PPP1R37: variants seen among roughly 807,000 people sequenced by gnomAD.
PPP1R37 encodes the protein protein phosphatase 1 regulatory subunit 37.
In PPP1R37, 21 loss-of-function variants were observed where a neutral mutation model predicts 61.0. That is an observed-to-expected ratio of 0.34 (90% confidence interval 0.24 to 0.50). The LOEUF (loss-of-function observed/expected upper bound fraction) is 0.50, where lower values mean the gene tolerates loss of function less well. Among genes scored for constraint, PPP1R37 ranks in the 20% least tolerant of loss-of-function variants. The pLI is 0.98. For missense variants in PPP1R37, 910 were observed against 952.7 expected, an observed-to-expected ratio of 0.96 and a Z score of 0.59; for synonymous variants, 443 against 433.5, an observed-to-expected ratio of 1.02 and a Z score of -0.27.
chr19:45,145,130 C>T lies in PPP1R37; in HGVS notation c.1166C>T (p.Pro389Leu). The T allele has an allele frequency of 2.0e-6, 3 of 1,534,714 alleles. No individual in the cohort carries two copies. Among genetic ancestry groups the T allele is most frequent in the Non-Finnish European group, 2.6e-6 (3 of 1,146,258 alleles). The change falls in exon 10 of 13, where the codon CCC (proline) becomes CTC (leucine). Residue 389 changes from proline (P) to leucine (L), a missense_variant. Coordinates refer to ENST00000221462, the MANE Select transcript of PPP1R37 (RefSeq NM_019121.2). ...VAVAEFIAES[P>L]RLLRLDLREN... ...GTGGCGGAGTTCATCGCTGAGAGCC[C>T]CCGCCTCCTGAGACTGGACCTTCGG...
intron 1 of PPP1R37, chr19:45,100,267 G>C (rs1398753752): frequency 6.6e-6 from 1 of 152,126 alleles, no homozygotes; most frequent in Non-Finnish European, 1.5e-5. Context: ...GCCTTTTTTG[G>C]AGCAAATTAA....
intron 1 of PPP1R37, chr19:45,136,210 A>G (rs1465374873): frequency 1.3e-5 from 2 of 152,214 alleles, no homozygotes; most frequent in African/African-American, 4.8e-5. Flanking sequence ...AGCAGCTGTA[A>G]TAAGGCCTTC....
intron 1 of PPP1R37, among the ~76,000 whole-genome samples, chr19:45,103,772 A>G (rs1968094091): frequency 6.6e-6 from 1 of 152,158 alleles, no homozygotes; most frequent in Admixed American, 6.5e-5. Context: ...AACAGGGCTA[A>G]GCTCTTTACA....
intron 1 of PPP1R37, among the ~76,000 whole-genome samples, chr19:45,136,638 AG>A (rs1403458896): frequency 6.6e-6 from 1 of 152,162 alleles, no homozygotes. Context: ...GATCCCCTGC[AG>A]CTCCTCCCAG....
Position 45,145,581 on chromosome 19 carries a change from T to A in PPP1R37, c.1525T>A (p.Ser509Thr). 1.3e-6 allele frequency: 2 copies of A among 1,535,496 alleles called. No homozygotes were observed. Among genetic ancestry groups the A allele is most frequent in the Non-Finnish European group, 1.7e-6 (2 of 1,146,710 alleles). The change falls in exon 11 of 13, where the codon TCG becomes ACG. Residue 509 changes from serine (S) to threonine (T), a missense_variant. This residue lies in a region of PPP1R37 where 549 missense variants were observed against 505.1 expected (regional missense o/e 1.09). Transcript: ENST00000221462. ...ACCCAGCCCGGACTCAGACTCAGAC[T>A]CGGACTCGGATGGGGAGGAAGAGGA... ...PAPSPDSDSD[S>T]DSDGEEEEEE...
intron 1 of PPP1R37, among the ~76,000 whole-genome samples, chr19:45,119,825 C>T (rs1375460063): frequency 6.6e-6 from 1 of 152,114 alleles, no homozygotes; most frequent in South Asian, 2.1e-4. Flanking sequence ...CTCCACCCCC[C>T]AGCACCCCGC....
At chr19:45,105,599 GC>G (rs939150862) in intron 1 of PPP1R37, among the ~76,000 whole-genome samples, 4 of 152,128 alleles carry the variant, frequency 2.6e-5, no homozygotes, top group African/African-American at 9.7e-5. Context: ...GGTGTCAGGG[GC>G]GACCGGCCAC....
At chr19:45,133,294 G>A (rs1030684147) in intron 1 of PPP1R37, among the ~76,000 whole-genome samples, 1 of 152,164 alleles carries the variant, frequency 6.6e-6, no homozygotes, top group African/African-American at 2.4e-5. Flanking sequence ...ATGTTGGCCA[G>A]GCTTGTCTCG....
Position 45,146,611 on chromosome 19 carries a change from G to A in PPP1R37, c.*49G>A, listed in dbSNP as rs1439363236. On this transcript the variant is annotated 3_prime_UTR_variant, in exon 13 of 13. Coordinates refer to ENST00000221462, the MANE Select transcript of PPP1R37 (RefSeq NM_019121.2). ...CGGTCTGCGATGAGCTGAGGCCAGA[G>A]CCATGAGAATCTGCTCACCTTCCCC... The A allele has an allele frequency of 1.7e-5, 11 of 661,660 alleles. No individual in the cohort carries two copies. In the East Asian group the frequency reaches 2.0e-4, roughly 12 times the overall value. 41.0% of individuals were successfully genotyped at this position (661,660 alleles called of 1,614,324 possible). A position where few individuals can be genotyped will look rare whatever the true frequency, so the allele number is the denominator to read the frequency against.
chr19:45,114,304 A>G (rs1189619658), intron 1 of PPP1R37, among the ~76,000 whole-genome samples: 1 of 152,262 alleles, frequency 6.6e-6, no homozygotes, highest in African/African-American at 2.4e-5. Context: ...GAAAGCTGGC[A>G]GGAACCAGGT....
intron 4 of PPP1R37, among the ~76,000 whole-genome samples, chr19:45,140,959 C>T (rs1968603502): frequency 6.6e-6 from 1 of 152,132 alleles, no homozygotes; most frequent in African/African-American, 2.4e-5. Context: ...CCATCAAGGC[C>T]CAAGGGCCCT....
At chr19:45,120,829 G>C (rs955813406) in intron 1 of PPP1R37, among the ~76,000 whole-genome samples, 7 of 152,072 alleles carry the variant, frequency 4.6e-5, no homozygotes, top group Non-Finnish European at 8.8e-5. Context: ...GGCCAGGCTG[G>C]TCTCCAACTC....
chr19:45,125,146 C>T (rs1968388120), intron 1 of PPP1R37, among the ~76,000 whole-genome samples: 1 of 152,118 alleles, frequency 6.6e-6, no homozygotes, highest in Admixed American at 6.5e-5. Context: ...GGCACAGTAT[C>T]TCTTTATCAA....
intron 8 of PPP1R37, 44 bp from the exon 9 acceptor site, chr19:45,144,810 C>T (rs1036684125): frequency 6.8e-7 from 1 of 1,473,876 alleles, no homozygotes; most frequent in Non-Finnish European, 9.1e-7. Flanking sequence ...GGGTCTCCTC[C>T]GCCATCACGG....
chr19:45,101,832 G>A (rs544347304), intron 1 of PPP1R37, among the ~76,000 whole-genome samples: 5 of 152,352 alleles, frequency 3.3e-5, no homozygotes, highest in African/African-American at 4.8e-5. Context: ...CCAGGAGCCC[G>A]GAGGCTGTAG....
Position 45,145,826 on chromosome 19 carries a change from C to T in PPP1R37, c.1770C>T (p.Pro590=). The change falls in exon 11 of 13, where the codon CCC becomes CCT. Residue 590 remains proline, a synonymous_variant. Transcript: ENST00000221462. Reference sequence around the variant, plus strand: ...AGCCCCCTGCGTCCCCCACCCCTCCCTCTCCCCCACCCCCTCCCTCCCCAC... The same window carrying T: ...AGCCCCCTGCGTCCCCCACCCCTCCTTCTCCCCCACCCCCTCCCTCCCCAC... ...RAEPPASPTP[P]SPPPPPSPPA... 1 of 1,334,246 alleles carries T rather than the reference C, an allele frequency of 7.5e-7. No homozygotes were observed. The highest frequency in any genetic ancestry group is 1.5e-5 in the African/African-American group (1 of 66,758). The allele number at this position is 1,334,246 out of a possible 1,614,324, so 82.7% of individuals were successfully genotyped here. A position where few individuals can be genotyped will look rare whatever the true frequency, so the allele number is the denominator to read the frequency against.
At chr19:45,106,447 T>C (rs896045808) in intron 1 of PPP1R37, among the ~76,000 whole-genome samples, 1 of 152,152 alleles carries the variant, frequency 6.6e-6, no homozygotes, top group African/African-American at 2.4e-5. Flanking sequence ...TTTCACCATG[T>C]TGGCTGGGCT....
intron 1 of PPP1R37, among the ~76,000 whole-genome samples, chr19:45,122,323 C>T (rs370676139): frequency 6.6e-6 from 1 of 152,198 alleles, no homozygotes. Context: ...GTTCACCCAG[C>T]TGGCCCTGTC....
intron 1 of PPP1R37, among the ~76,000 whole-genome samples, chr19:45,109,628 G>A (rs1968175033): frequency 6.6e-6 from 1 of 152,190 alleles, no homozygotes; most frequent in Non-Finnish European, 1.5e-5. Context: ...GGGCAGCCCT[G>A]CCTGGGTCCC....
Sources: allele counts gnomAD v4.1 joint callset (sites outside exome capture counted in the v4.1 genomes callset), GRCh38; gene constraint gnomAD v4.1.1; regional missense constraint gnomAD v4.1.1; transcripts MANE v1.5; gene names NCBI Gene and HGNC (gene_info 2026-07-23, HGNC 2026-07-21).